The following ZDHHC14 variants were observed in gnomAD, a reference collection of about 807,000 sequenced individuals.
ZDHHC14 encodes palmitoyltransferase ZDHHC14.
In ZDHHC14, 16 loss-of-function variants were observed where a neutral mutation model predicts 47.7. The observed-to-expected ratio is 0.34, with a 90% CI of 0.23 to 0.51. The LOEUF (loss-of-function observed/expected upper bound fraction) is 0.51, where lower values mean the gene tolerates loss of function less well. Among genes scored for constraint, ZDHHC14 ranks in the 20% least tolerant of loss-of-function variants. ZDHHC14 has a pLI of 0.97. For synonymous variants in ZDHHC14, 293 were observed against 278.9 expected (o/e 1.05, Z -0.50); for missense variants, 515 against 662.5 (o/e 0.78, Z 2.44).
intron 1 of ZDHHC14, among the ~76,000 whole-genome samples, chr6:157,433,938 T>G (rs972138878): frequency 9.9e-5 from 15 of 152,138 alleles, no homozygotes; most frequent in Non-Finnish European, 1.9e-4. Flanking sequence ...AGAGCCACCC[T>G]CCACACACAT....
intron 2 of ZDHHC14, among the ~76,000 whole-genome samples, chr6:157,549,686 T>C (rs1328547472): frequency 6.6e-6 from 1 of 152,154 alleles, no homozygotes; most frequent in African/African-American, 2.4e-5. Flanking sequence ...GGAAACCAGA[T>C]GTCACAACTC....
intron 2 of ZDHHC14, among the ~76,000 whole-genome samples, chr6:157,561,669 T>G (rs533791158): frequency 6.6e-6 from 1 of 152,204 alleles, no homozygotes; most frequent in South Asian, 2.1e-4. Context: ...TTGAATTTAT[T>G]TATTTATTTG....
Position 157,443,082 on chromosome 6 carries a change from C to T in ZDHHC14, c.245+60816C>T, listed in dbSNP as rs188197600. On this transcript the variant is annotated intron_variant, in intron 1 of 8. Coordinates refer to ENST00000359775, the MANE Select transcript of ZDHHC14 (RefSeq NM_024630.3). Reference sequence around the variant, plus strand: ...ACCCCATATGTTGGGGGAGGGACCTCGTGGGAGGTGATTGGATCATGGGGG... The same window carrying T: ...ACCCCATATGTTGGGGGAGGGACCTTGTGGGAGGTGATTGGATCATGGGGG... Among the ~76,000 whole-genome samples the T allele has an allele frequency of 1.6e-3, 241 of 152,184 alleles. 5 individuals are homozygous for T. The highest frequency in any genetic ancestry group is 9.7e-4 in the East Asian group (5 of 5,172).
intron 2 of ZDHHC14, among the ~76,000 whole-genome samples, chr6:157,555,234 A>C (rs1782410584): frequency 6.6e-6 from 1 of 152,204 alleles, no homozygotes; most frequent in Admixed American, 6.5e-5. Flanking sequence ...CATAATATTA[A>C]TTTTGTGAAT....
intron 1 of ZDHHC14, among the ~76,000 whole-genome samples, chr6:157,414,870 A>G (rs112357854): frequency 0.021 from 3,030 of 147,726 alleles, 119 homozygotes; most frequent in African/African-American, 0.073. Flanking sequence ...GCCTGATGAA[A>G]TTGTGAATTC....
chr6:157,579,422 C>A (rs1239497923), intron 2 of ZDHHC14, among the ~76,000 whole-genome samples: 2 of 152,024 alleles, frequency 1.3e-5, no homozygotes, highest in Non-Finnish European at 2.9e-5. Flanking sequence ...TGGTCTCAAT[C>A]TGCTGACCTC....
At chr6:157,647,611 G>C (rs1440107367) in intron 7 of ZDHHC14, among the ~76,000 whole-genome samples, 2 of 152,290 alleles carry the variant, frequency 1.3e-5, no homozygotes, top group East Asian at 3.9e-4. Flanking sequence ...GCCCAAAATA[G>C]AGAGACAGAT....
intron 3 of ZDHHC14, among the ~76,000 whole-genome samples, chr6:157,614,151 G>A (rs775156662): frequency 6.6e-6 from 1 of 152,152 alleles, no homozygotes; most frequent in Non-Finnish European, 1.5e-5. Flanking sequence ...TGGGGGGGCG[G>A]GGAGTGCAAA....
Position 157,582,669 on chromosome 6 carries a change from C to T in ZDHHC14, c.407-10319C>T, listed in dbSNP as rs1783558074. 6.6e-6 allele frequency among the ~76,000 whole-genome samples: 1 copy of T among 152,270 alleles called. No individual in the cohort carries two copies. The highest frequency in any genetic ancestry group is 3.4e-3 in the Middle Eastern group (1 of 294). On this transcript the variant is annotated intron_variant, in intron 2 of 8. Coordinates refer to ENST00000359775, the MANE Select transcript of ZDHHC14 (RefSeq NM_024630.3). The surrounding 1 kb of genome is among the most constrained non-coding windows in gnomAD (Gnocchi z 4.3). ...TCTACATTTCTTTAACATTGTTTCT[C>T]TCATTTTCATCTTGGAGAATCTGAT...
chr6:157,597,401 A>G (rs1322477477), intron 3 of ZDHHC14, among the ~76,000 whole-genome samples: 1 of 152,198 alleles, frequency 6.6e-6, no homozygotes, highest in Non-Finnish European at 1.5e-5. Flanking sequence ...CCAGCGTCGG[A>G]ATTGCCAGCA....
intron 1 of ZDHHC14, among the ~76,000 whole-genome samples, chr6:157,392,645 A>ATGTGTGTG (rs372653506): frequency 3.3e-3 from 482 of 147,336 alleles, no homozygotes; most frequent in African/African-American, 0.011. Context: ...TAAGAGAAAG[A>ATGTGTGTG]TGTGTGTGTG....
At position 157,509,214 on chromosome 6, in the gene ZDHHC14, T is replaced by C. The variant is rs2114746934; in HGVS notation, c.246-33371T>C. ...TCTCTAAGCACTGATGTGAGTACCCTGGGCCCACCTGGATGATCCAGGATG... is the reference window on the plus strand; with the variant it reads ...TCTCTAAGCACTGATGTGAGTACCCCGGGCCCACCTGGATGATCCAGGATG... On this transcript the variant is annotated intron_variant, in intron 1 of 8. Coordinates refer to ENST00000359775, the MANE Select transcript of ZDHHC14 (RefSeq NM_024630.3). Among the ~76,000 whole-genome samples the C allele has an allele frequency of 2.0e-5, 3 of 152,300 alleles. No homozygotes were observed. In the South Asian group the frequency reaches 6.2e-4, roughly 32 times the overall value.
Position 157,556,047 on chromosome 6 carries a change from G to A in ZDHHC14, c.406+13302G>A, listed in dbSNP as rs536603502. On this transcript the variant is annotated intron_variant, in intron 2 of 8. Coordinates refer to ENST00000359775, the MANE Select transcript of ZDHHC14 (RefSeq NM_024630.3). The stretch of plus-strand genomic sequence containing the variant: ...GGAGGAGGCGGTACTGGGATGCGGG[G>A]CGGCAGAGACCAGGAGAAGGGAGGT... 5.9e-5 allele frequency among the ~76,000 whole-genome samples: 9 copies of A among 152,302 alleles called. No homozygotes were observed. In the South Asian group the frequency reaches 1.9e-3, roughly 32 times the overall value.
chr6:157,395,145 C>G (rs1777495068), intron 1 of ZDHHC14, among the ~76,000 whole-genome samples: 2 of 150,346 alleles, frequency 1.3e-5, no homozygotes, highest in African/African-American at 4.9e-5. Flanking sequence ...CTTCCTCACT[C>G]CTTGTCTCTA....
At chr6:157,483,513 G>A (rs1305878570) in intron 1 of ZDHHC14, among the ~76,000 whole-genome samples, 4 of 152,166 alleles carry the variant, frequency 2.6e-5, no homozygotes, top group African/African-American at 9.7e-5. Context: ...ATCACAGTGG[G>A]AAAATGGCAA....
intron 1 of ZDHHC14, among the ~76,000 whole-genome samples, chr6:157,531,592 AC>A (rs1781369999): frequency 7.8e-6 from 1 of 127,770 alleles, no homozygotes; most frequent in African/African-American, 3.0e-5. Flanking sequence ...GATTTGCCCC[AC>A]CCCCCAACCC....
At chr6:157,663,699 T>G (rs144877037) in intron 8 of ZDHHC14, among the ~76,000 whole-genome samples, 26 of 152,316 alleles carry the variant, frequency 1.7e-4, no homozygotes, top group African/African-American at 5.3e-4. Flanking sequence ...CAAGCAGAGC[T>G]GGCGCTAAAC....
chr6:157,417,632 A>T lies in ZDHHC14; in HGVS notation c.245+35366A>T, dbSNP rs559686009. Reference sequence around the variant, plus strand: ...ATCAGATGGCTTTCAGCTGCAAGTTATAGAAAATGATGACTTACATTGGCT... The same window carrying T: ...ATCAGATGGCTTTCAGCTGCAAGTTTTAGAAAATGATGACTTACATTGGCT... On this transcript the variant is annotated intron_variant, in intron 1 of 8. Coordinates refer to ENST00000359775, the MANE Select transcript of ZDHHC14 (RefSeq NM_024630.3). 5.3e-5 allele frequency among the ~76,000 whole-genome samples: 8 copies of T among 152,334 alleles called. No homozygotes were observed. In the South Asian group the frequency reaches 1.7e-3, roughly 32 times the overall value.
At chr6:157,641,091 A>AT (rs546242529) in intron 5 of ZDHHC14, among the ~76,000 whole-genome samples, 45 of 152,084 alleles carry the variant, frequency 3.0e-4, no homozygotes, top group Non-Finnish European at 6.0e-4. Context: ...GATCTACCTC[A>AT]TTTTTTTAAC....
Sources: gnomAD v4.1 joint callset for allele counts (sites outside exome capture counted in the v4.1 genomes callset) on GRCh38, gnomAD v4.1.1 for gene constraint, Gnocchi (gnomAD v3.1) non-coding constraint, MANE v1.5 for transcripts, NCBI Gene and HGNC (gene_info 2026-07-23, HGNC 2026-07-21) for gene names.